AHNAK: variants seen among roughly 807,000 people sequenced by gnomAD.
AHNAK encodes the protein neuroblast differentiation-associated protein AHNAK.
Under a neutral mutation model 37.8 loss-of-function variants are expected in AHNAK, and 23 were observed. The ratio of observed to expected loss-of-function variants is 0.61; its 90% CI spans 0.44 to 0.86. The LOEUF (loss-of-function observed/expected upper bound fraction) is 0.86. Ranked by LOEUF, AHNAK falls within the 40% of genes least tolerant of loss-of-function variation. The probability of loss-of-function intolerance (pLI) is 0.00; values close to 1 mark genes in which losing one functional copy is unlikely to be tolerated. For missense variants in AHNAK, 7,411 were observed against 7,319.4 expected (o/e 1.01, Z -0.46); for synonymous variants, 2,481 against 2,636.3 (o/e 0.94, Z 1.80).
chr11:62,443,562 G>A (rs975061162), intron 5 of AHNAK, among the ~76,000 whole-genome samples: 12 of 152,056 alleles, frequency 7.9e-5, no homozygotes, highest in East Asian at 1.9e-4. Flanking sequence ...TTGAGCCACC[G>A]CGCCCGGCTG....
intron 4 of AHNAK, among the ~76,000 whole-genome samples, chr11:62,504,611 G>A (rs941669122): frequency 6.6e-6 from 1 of 151,994 alleles, no homozygotes; most frequent in African/African-American, 2.4e-5. Flanking sequence ...ACAGAGGCGT[G>A]GTTGGCAGCC....
At position 62,530,586 on chromosome 11, in the gene AHNAK, G is replaced by A. The variant is rs1324760625; in HGVS notation, c.3831C>T (p.Asn1277=). The A allele has an allele frequency of 1.3e-6, 2 of 1,599,248 alleles. No individual in the cohort carries two copies. The highest frequency in any genetic ancestry group is 1.7e-6 in the Non-Finnish European group (2 of 1,174,480). ...AGACATCAATGTCAGCCTTGGGCAG[G>A]TTCACATCCACTTCTCGGCCCTCTC... The part of the protein sequence containing the change: ...FKGEGREVDV[N]LPKADIDVSG... Residue 1277 remains asparagine (N), a synonymous_variant, in exon 5 of 5, where the codon AAC becomes AAT. Transcript: ENST00000378024.
Position 62,529,852 on chromosome 11 carries a change from C to T in AHNAK, c.4565G>A (p.Gly1522Asp), listed in dbSNP as rs1479698024. The change falls in exon 5 of 5, where the codon GGC becomes GAC. Residue 1522 changes from glycine (G) to aspartate (D), a missense_variant. Physicochemically the swap from Gly to Asp is moderately conservative, Grantham distance 94. Coordinates refer to ENST00000378024, the MANE Select transcript of AHNAK (RefSeq NM_001620.3). ...KVKMPKFSMP[G>D]FKGEGPEVDM... ...CACCTCTGGGCCCTCTCCTTTAAAG[C>T]CAGGCATGCTGAACTTGGGCATTTT... 2 of 1,614,044 alleles carry T rather than the reference C, an allele frequency of 1.2e-6. No homozygotes were observed. The highest frequency in any genetic ancestry group is 2.2e-5 in the East Asian group (1 of 44,856).
intron 5 of AHNAK, among the ~76,000 whole-genome samples, chr11:62,484,771 G>A (rs1224815612): frequency 6.6e-6 from 1 of 152,064 alleles, no homozygotes; most frequent in East Asian, 1.9e-4. Context: ...CTTAGGTTTT[G>A]TTTTGTTTTG....
chr11:62,434,463 G>A (rs1046048583), intron 5 of AHNAK, among the ~76,000 whole-genome samples: 3 of 151,832 alleles, frequency 2.0e-5, no homozygotes, highest in Admixed American at 6.6e-5. Context: ...CCTCCTCCCC[G>A]AGTCACACCC....
In AHNAK at chr11:62,482,993, G is replaced by T. The variant is rs564454202; in HGVS notation, c.442+8739C>A. Among the ~76,000 whole-genome samples, 24 of 152,216 alleles carry T rather than the reference G, an allele frequency of 1.6e-4. No individual in the cohort carries two copies. The South Asian group carries it at 2.1e-3, about 13-fold the overall frequency. On this transcript the variant is annotated intron_variant, in intron 5 of 5. Transcript: ENST00000257247. ...CAGGAACACAAAGACACACAAAAAC[G>T]TCCACAGGATGGTCATTTGAACACC...
Position 62,532,099 on chromosome 11 carries a change from A to T in AHNAK, c.2318T>A (p.Leu773Gln), listed in dbSNP as rs186452756. The T allele has an allele frequency of 1.2e-6, 2 of 1,613,498 alleles. No individual in the cohort carries two copies. The highest frequency in any genetic ancestry group is 2.7e-5 in the African/African-American group (2 of 74,804). The change falls in exon 5 of 5, where the codon CTG becomes CAG. Residue 773 changes from leucine (L) to glutamine (Q), a missense_variant. Physicochemically the swap from Leu to Gln is moderately radical, Grantham distance 113. Coordinates refer to ENST00000378024, the MANE Select transcript of AHNAK (RefSeq NM_001620.3). ...KAEGPEVDVN[L>Q]PKADVDISGP... is the part of the protein sequence containing the mutation. ...GGAAATGTCCACATCAGCCTTGGGCAGGTTCACATCCACTTCTGGGCCCTC... is the reference window on the plus strand; with the variant it reads ...GGAAATGTCCACATCAGCCTTGGGCTGGTTCACATCCACTTCTGGGCCCTC...
rs1565230670 is a variant in AHNAK, at chr11:62,523,303, A to G, written c.11114T>C (p.Val3705Ala). 1 of 1,613,614 alleles carries G rather than the reference A, an allele frequency of 6.2e-7. No individual in the cohort carries two copies. The highest frequency in any genetic ancestry group is 2.2e-5 in the East Asian group (1 of 44,870). Residue 3705 changes from valine (V) to alanine (A), a missense_variant, in exon 5 of 5, where the codon GTG (valine) becomes GCG (alanine). Val to Ala is a moderately conservative substitution (Grantham distance 64). Transcript: ENST00000378024. ...GTCCACTTTGGGGCCCTTGATGTCC[A>G]CCTCAGGGCCTTTTAGATCACCTTC... ...KVEGDLKGPE[V>A]DIKGPKVDID...
rs1284690683 is a variant in AHNAK at position 62,533,800 on chromosome 11, A to G, written c.617T>C (p.Ile206Thr). The change falls in exon 5 of 5, where the codon ATC (isoleucine) becomes ACC (threonine). Residue 206 changes from isoleucine to threonine, a missense_variant. Physicochemically the swap from Ile to Thr is moderately conservative, Grantham distance 89. Coordinates refer to ENST00000378024, the MANE Select transcript of AHNAK (RefSeq NM_001620.3). ...DVETQSGKTVIRLPSGSGAAS... is the reference protein window; with the variant it reads ...DVETQSGKTVTRLPSGSGAAS... ...TGCCCCCGAGCCCGAGGGCAGTCTG[A>G]TCACGGTCTTCCCAGACTGGGTCTC... 2 of 1,614,128 alleles carry G rather than the reference A, an allele frequency of 1.2e-6. No individual in the cohort carries two copies. Among genetic ancestry groups the G allele is most frequent in the Admixed American group, 3.3e-5 (2 of 60,022 alleles).
chr11:62,535,762 C>A (rs918736285), intron 3 of AHNAK, among the ~76,000 whole-genome samples, 183 bp downstream of exon 3: 4 of 152,134 alleles, frequency 2.6e-5, no homozygotes, highest in South Asian at 2.1e-4. Flanking sequence ...CCCTGAGGAC[C>A]ACAAGTGACA....
chr11:62,520,418 C>T lies in AHNAK; in HGVS notation c.13999G>A (p.Gly4667Arg). The T allele has an allele frequency of 6.2e-7, 1 of 1,613,878 alleles. No homozygotes were observed. Among genetic ancestry groups the T allele is most frequent in the Non-Finnish European group, 8.5e-7 (1 of 1,179,998 alleles). The stretch of plus-strand genomic sequence containing the variant: ...TTCACATCCACATCTGGGCCCTCTC[C>T]TTTGAAGCCAGGCATGCTGAACTTG... ...MPKFSMPGFKGEGPDVDVNLP... is the reference protein window; with the variant it reads ...MPKFSMPGFKREGPDVDVNLP... The change falls in exon 5 of 5, where the codon GGA (glycine) becomes AGA (arginine). Residue 4667 changes from glycine (G) to arginine (R), a missense_variant. Transcript: ENST00000378024.
In AHNAK at chr11:62,487,585, C is replaced by A. The variant is rs970691818; in HGVS notation, c.442+4147G>T. ...AGTCTCGGCTCACTGCAACCTCCCC[C>A]TCCCGGGTTCAAGCGATTCACCTGC... On this transcript the variant is annotated intron_variant, in intron 5 of 5. Transcript: ENST00000257247. Among the ~76,000 whole-genome samples the A allele has an allele frequency of 9.2e-5, 14 of 152,238 alleles. No individual in the cohort carries two copies. The East Asian group carries it at 2.3e-3, about 25-fold the overall frequency.
rs1388557227 is a variant in AHNAK, at chr11:62,521,434, C to A, written c.12983G>T (p.Gly4328Val). ...KVKMPKFSMP[G>V]FKGEGPDVDV... Reference sequence around the variant, plus strand: ...CACATCTGGGCCCTCTCCTTTGAATCCTGGCATGCTGAATTTGGGCATTTT... The same window carrying A: ...CACATCTGGGCCCTCTCCTTTGAATACTGGCATGCTGAATTTGGGCATTTT... Residue 4328 changes from glycine (G) to valine (V), a missense_variant, in exon 5 of 5, where the codon GGA becomes GTA. Physicochemically the swap from Gly to Val is moderately radical, Grantham distance 109. Transcript: ENST00000378024. 4 of 1,613,492 alleles carry A rather than the reference C, an allele frequency of 2.5e-6. No individual in the cohort carries two copies. Among genetic ancestry groups the A allele is most frequent in the African/African-American group, 1.3e-5 (1 of 74,700 alleles).
rs1462454610 is a variant in AHNAK, at chr11:62,460,945, C to T, written c.443-27054G>A. Among the ~76,000 whole-genome samples, 5 of 151,312 alleles carry T rather than the reference C, an allele frequency of 3.3e-5. No homozygotes were observed. In the South Asian group the frequency reaches 6.2e-4, roughly 19 times the overall value. On this transcript the variant is annotated intron_variant, in intron 5 of 5. Coordinates refer to the AHNAK transcript ENST00000257247. ...ACGCCATTCTCCTGCCTCAGCCTCC[C>T]GAGTAGCTGCGACTACAGGCGCCTG...
At position 62,520,383 on chromosome 11, in the gene AHNAK, C is replaced by T. The variant is rs1420343888; in HGVS notation, c.14034G>A (p.Lys4678=). 1 of 1,613,300 alleles carries T rather than the reference C, an allele frequency of 6.2e-7. No homozygotes were observed. Among genetic ancestry groups the T allele is most frequent in the Admixed American group, 1.7e-5 (1 of 59,910 alleles). ...TGGGTCCTGAGACATCAATGTCAGCCTTGGGCAGGTTCACATCCACATCTG... is the reference window on the plus strand; with the variant it reads ...TGGGTCCTGAGACATCAATGTCAGCTTTGGGCAGGTTCACATCCACATCTG... The part of the protein sequence containing the change: ...EGPDVDVNLP[K]ADIDVSGPKV... Residue 4678 remains lysine (K), a synonymous_variant, in exon 5 of 5, where the codon AAG becomes AAA. Coordinates refer to ENST00000378024, the MANE Select transcript of AHNAK (RefSeq NM_001620.3).
chr11:62,459,143 T>C (rs1938730926), intron 5 of AHNAK, among the ~76,000 whole-genome samples: 1 of 151,934 alleles, frequency 6.6e-6, no homozygotes, highest in Non-Finnish European at 1.5e-5. Context: ...AGCTCACAGG[T>C]AAGAGGGTCC....
chr11:62,516,241 C>G lies in AHNAK; in HGVS notation c.*503G>C, dbSNP rs1478475784. 44 of 1,289,106 alleles carry G rather than the reference C, an allele frequency of 3.4e-5. No homozygotes were observed. Among genetic ancestry groups the G allele is most frequent in the Non-Finnish European group, 4.3e-5 (43 of 988,722 alleles). The allele number at this position is 1,289,106 out of a possible 1,614,324, so 79.9% of individuals were successfully genotyped here. A position where few individuals can be genotyped will look rare whatever the true frequency, so the allele number is the denominator to read the frequency against. On this transcript the variant is annotated 3_prime_UTR_variant, in exon 5 of 5. Transcript: ENST00000378024. ...AACACCCACACACCCTGACTACCACCACCTCTGGGCCATCTGTGGGCGTTT... is the reference window on the plus strand; with the variant it reads ...AACACCCACACACCCTGACTACCACGACCTCTGGGCCATCTGTGGGCGTTT...
At position 62,523,189 on chromosome 11, in the gene AHNAK, G is replaced by C; in HGVS notation, c.11228C>G (p.Pro3743Arg). The part of the protein sequence containing the change: ...FKIPEMHLKA[P>R]KISMPDIDLN... ...ATCAATGTCAGGCATCGATATTTTG[G>C]GAGCCTTCAGGTGCATCTCTGGTAT... Residue 3743 changes from proline to arginine, a missense_variant, in exon 5 of 5, where the codon CCC (proline) becomes CGC (arginine). Physicochemically the swap from Pro to Arg is moderately radical, Grantham distance 103. Transcript: ENST00000378024. 1 of 1,613,856 alleles carries C rather than the reference G, an allele frequency of 6.2e-7. No individual in the cohort carries two copies. The highest frequency in any genetic ancestry group is 8.5e-7 in the Non-Finnish European group (1 of 1,179,998).
intron 5 of AHNAK, among the ~76,000 whole-genome samples, chr11:62,455,842 G>C (rs1320260940): frequency 6.6e-6 from 1 of 150,672 alleles, no homozygotes; most frequent in Non-Finnish European, 1.5e-5. Context: ...TCCAGCCTGG[G>C]TAACGAGCAA....
Sources: gnomAD v4.1 joint callset for allele counts (sites outside exome capture counted in the v4.1 genomes callset) on GRCh38, gnomAD v4.1.1 for gene constraint, MANE v1.5 for transcripts, NCBI Gene and HGNC (gene_info 2026-07-23, HGNC 2026-07-21) for gene names.